Variants in MTA3 observed in about 807,000 individuals in gnomAD.
The protein encoded by MTA3 is metastasis-associated protein MTA3.
MTA3 carries 34 observed loss-of-function variants against 83.5 expected under a neutral mutation model. The observed-to-expected ratio is 0.41, with a 90% CI of 0.31 to 0.54. The LOEUF (loss-of-function observed/expected upper bound fraction) is 0.54, where lower values mean the gene tolerates loss of function less well. MTA3 is among the 20% of genes least tolerant of loss of function. The pLI is 0.33. For synonymous variants in MTA3, 303 were observed against 252.7 expected (o/e 1.20, Z -1.89); for missense variants, 761 against 726.4 (o/e 1.05, Z -0.55).
upstream of MTA3, among the ~76,000 whole-genome samples, chr2:42,567,523 C>T (rs1677970944): frequency 6.6e-6 from 1 of 152,154 alleles, no homozygotes; most frequent in South Asian, 2.1e-4. Flanking sequence ...CAAGCCACCA[C>T]ACCAAGAAAT....
chr2:42,519,443 C>G (rs753218362), intron 2 of MTA3, among the ~76,000 whole-genome samples: 23 of 151,144 alleles, frequency 1.5e-4, no homozygotes, highest in Non-Finnish European at 2.7e-4. Context: ...CCCTCTCTAC[C>G]AAAAATACAA....
At chr2:42,516,968 T>C (rs1010018479) in intron 2 of MTA3, among the ~76,000 whole-genome samples, 1 of 151,738 alleles carries the variant, frequency 6.6e-6, no homozygotes, top group African/African-American at 2.4e-5. Flanking sequence ...CTATAAAAAA[T>C]AAAAAATTTG....
chr2:42,602,726 T>G (rs1286200445), intron 3 of MTA3, among the ~76,000 whole-genome samples: 3 of 152,182 alleles, frequency 2.0e-5, no homozygotes, highest in Admixed American at 2.0e-4. Flanking sequence ...AATGAGGTTT[T>G]TAGCTGAGTT....
At chr2:42,752,459 C>T (rs967038907) in intron 16 of MTA3, among the ~76,000 whole-genome samples, 3 of 152,182 alleles carry the variant, frequency 2.0e-5, no homozygotes, top group Non-Finnish European at 4.4e-5. Flanking sequence ...CTTTCTAATA[C>T]AACACGGTGG....
chr2:42,564,264 C>A (rs904614284), upstream of MTA3, among the ~76,000 whole-genome samples: 3 of 152,172 alleles, frequency 2.0e-5, no homozygotes, highest in African/African-American at 7.2e-5. Flanking sequence ...AGAGAAGGAA[C>A]CTTCTTGTGG....
intron 2 of MTA3, among the ~76,000 whole-genome samples, chr2:42,576,658 C>G (rs184131379): frequency 1.3e-5 from 2 of 152,000 alleles, no homozygotes; most frequent in African/African-American, 4.8e-5. Context: ...CCCAGGACTT[C>G]GGGAGGCCGA....
At chr2:42,664,515 C>CCAGGCTGG (rs1462128506) in intron 8 of MTA3, among the ~76,000 whole-genome samples, 1 of 137,466 alleles carries the variant, frequency 7.3e-6, no homozygotes, top group Non-Finnish European at 1.5e-5. Context: ...GCTCTGTTGC[C>CCAGGCTGG]CAGGCTGGAG....
chr2:42,626,112 T>A (rs1686060784), intron 4 of MTA3, among the ~76,000 whole-genome samples: 1 of 150,810 alleles, frequency 6.6e-6, no homozygotes, highest in African/African-American at 2.5e-5. Context: ...TCAGCTAATT[T>A]TTTTGTATTT....
chr2:42,659,903 G>T (rs1214798647), intron 8 of MTA3, 41 bp downstream of exon 8: 1 of 1,479,666 alleles, frequency 6.8e-7, no homozygotes, highest in South Asian at 1.3e-5. Flanking sequence ...TTATCCTTCT[G>T]TTACTTGTTT....
chr2:42,508,720 G>C (rs974170113), intron 2 of MTA3, among the ~76,000 whole-genome samples: 23 of 148,638 alleles, frequency 1.5e-4, no homozygotes, highest in African/African-American at 4.9e-4. Flanking sequence ...TTAGTTAAGG[G>C]GGGAATATGT....
chr2:42,727,653 C>T (rs1051711988), intron 16 of MTA3, among the ~76,000 whole-genome samples: 1 of 152,034 alleles, frequency 6.6e-6, no homozygotes, highest in Admixed American at 6.5e-5. Flanking sequence ...GGATTAATTG[C>T]TTACTCCTCT....
At chr2:42,681,879 A>G (rs1264627255) in intron 8 of MTA3, among the ~76,000 whole-genome samples, 1 of 151,706 alleles carries the variant, frequency 6.6e-6, no homozygotes, top group Non-Finnish European at 1.5e-5. Context: ...TAACAGAGCA[A>G]GAGCCTATCT....
chr2:42,609,093 C>T (rs1340983920), intron 3 of MTA3, among the ~76,000 whole-genome samples: 7 of 143,714 alleles, frequency 4.9e-5, no homozygotes, highest in Non-Finnish European at 1.5e-5. Context: ...GTGAAGTGTA[C>T]GATCTTGGCT....
chr2:42,503,441 G>A (rs1674490033), intron 2 of MTA3, among the ~76,000 whole-genome samples: 1 of 152,008 alleles, frequency 6.6e-6, no homozygotes, highest in African/African-American at 2.4e-5. Flanking sequence ...CTCAACCTGT[G>A]ACTAAGAATG....
intron 2 of MTA3, among the ~76,000 whole-genome samples, chr2:42,502,421 T>C (rs950073338): frequency 1.3e-5 from 2 of 152,176 alleles, no homozygotes; most frequent in African/African-American, 2.4e-5. Context: ...CTCAGGGACA[T>C]ATGTGCAGAT....
chr2:42,555,727 T>A (rs1036052406), intron 2 of MTA3, among the ~76,000 whole-genome samples: 5 of 149,388 alleles, frequency 3.3e-5, no homozygotes, highest in African/African-American at 5.0e-5. Context: ...AACAGGGTGC[T>A]ACTGCATTCC....
upstream of MTA3, among the ~76,000 whole-genome samples, chr2:42,563,928 A>G (rs533072654): frequency 2.6e-5 from 4 of 151,724 alleles, no homozygotes; most frequent in Non-Finnish European, 5.9e-5. Context: ...GGTTTAAGCC[A>G]TTCTCCCGCC....
intron 2 of MTA3, among the ~76,000 whole-genome samples, chr2:42,557,125 C>T (rs1677430360): frequency 6.6e-6 from 1 of 152,010 alleles, no homozygotes; most frequent in Non-Finnish European, 1.5e-5. Context: ...CGCCTGTAAT[C>T]CCAGCTACTC....
intron 16 of MTA3, among the ~76,000 whole-genome samples, chr2:42,732,460 C>T (rs1452429650): frequency 6.6e-6 from 1 of 152,198 alleles, no homozygotes; most frequent in East Asian, 1.9e-4. Flanking sequence ...CTGCACACAG[C>T]ACAGGGACCC....
Sources: gnomAD v4.1 joint callset for allele counts (sites outside exome capture counted in the v4.1 genomes callset) on GRCh38, gnomAD v4.1.1 for gene constraint, MANE v1.5 for transcripts, NCBI Gene and HGNC (gene_info 2026-07-23, HGNC 2026-07-21) for gene names.